ADGB: variants seen among roughly 807,000 people sequenced by gnomAD.
The protein encoded by ADGB is androglobin.
In ADGB, 172 loss-of-function variants were observed where a neutral mutation model predicts 210.5. The observed-to-expected ratio is 0.82, with a 90% CI of 0.72 to 0.93. ADGB has a LOEUF of 0.93. ADGB is among the 40% of genes least tolerant of loss of function. The probability of loss-of-function intolerance (pLI) is 0.00; values close to 1 mark genes in which losing one functional copy is unlikely to be tolerated. For missense variants in ADGB, 2,025 were observed against 1,964.8 expected, an observed-to-expected ratio of 1.03 and a Z score of -0.58; for synonymous variants, 658 against 662.7, an observed-to-expected ratio of 0.99 and a Z score of 0.11.
At position 146,664,291 on chromosome 6, in the gene ADGB, CTGTGGCCAATGCTTT is replaced by C; in HGVS notation, c.707_721del (p.Trp236_Leu240del). Reference sequence around the variant, plus strand: ...TCCAGCTACAACTTATGAATTTGAACTGTGGCCAATGCTTTTGTCTAAAGCTATTATCAAGCTGGC... The same window carrying C: ...TCCAGCTACAACTTATGAATTTGAACTGTCTAAAGCTATTATCAAGCTGGC... On this transcript the variant is annotated inframe_deletion, in exon 6 of 36. Coordinates refer to ENST00000397944, the MANE Select transcript of ADGB (RefSeq NM_024694.4). 6.5e-7 allele frequency: 1 copy of C among 1,549,922 alleles called. No homozygotes were observed. The highest frequency in any genetic ancestry group is 1.2e-5 in the South Asian group (1 of 83,970).
At chr6:146,784,514 T>C in intron 30 of ADGB, 104 bp from the exon 31 acceptor site, 1 of 899,932 alleles carries the variant, frequency 1.1e-6, no homozygotes, top group East Asian at 2.9e-5. Flanking sequence ...TTTTCATTTA[T>C]CTCTAGTAAA....
chr6:146,765,622 T>C (rs1777561802), intron 28 of ADGB, among the ~76,000 whole-genome samples: 1 of 150,960 alleles, frequency 6.6e-6, no homozygotes, highest in African/African-American at 2.4e-5. Context: ...TACTAAATAA[T>C]TCTTTAGTTT....
chr6:146,690,700 C>A (rs544544119), intron 10 of ADGB, among the ~76,000 whole-genome samples: 1 of 152,228 alleles, frequency 6.6e-6, no homozygotes, highest in East Asian at 1.9e-4. Context: ...CCACTGAACA[C>A]ACTCAAGAAA....
chr6:146,644,978 A>G (rs1775586138), intron 3 of ADGB, 113 bp downstream of exon 3: 1 of 535,960 alleles, frequency 1.9e-6, no homozygotes, highest in Non-Finnish European at 3.1e-6. Flanking sequence ...TGTGGTATTC[A>G]GTAAAAAAGT....
chr6:146,676,692 G>A (rs1776089912), intron 9 of ADGB, among the ~76,000 whole-genome samples: 1 of 152,126 alleles, frequency 6.6e-6, no homozygotes, highest in Non-Finnish European at 1.5e-5. Context: ...GCTTCTGCTG[G>A]TCGCTTTCAG....
intron 35 of ADGB, chr6:146,807,439 T>A: frequency 6.4e-7 from 1 of 1,551,624 alleles, no homozygotes; most frequent in Non-Finnish European, 8.7e-7. Context: ...ATTTTCGACA[T>A]CCGGGAAGAG....
intron 4 of ADGB, among the ~76,000 whole-genome samples, chr6:146,656,412 G>T (rs569116640): frequency 1.1e-4 from 17 of 152,236 alleles, no homozygotes; most frequent in African/African-American, 4.1e-4. Flanking sequence ...AGAGTAGCTT[G>T]CTCATTTGTC....
chr6:146,747,766 C>CAT (rs151335769), intron 26 of ADGB, among the ~76,000 whole-genome samples: 29,992 of 143,050 alleles, frequency 0.21, 3,400 homozygotes, highest in Middle Eastern at 0.29. Flanking sequence ...TGTGTATATA[C>CAT]ATATATATAT....
intron 28 of ADGB, among the ~76,000 whole-genome samples, chr6:146,765,477 G>T (rs1328838327): frequency 6.6e-6 from 1 of 151,528 alleles, no homozygotes; most frequent in Non-Finnish European, 1.5e-5. Flanking sequence ...ACAATAAATG[G>T]AAGCCTCAAT....
chr6:146,760,244 A>G (rs1777465459), intron 27 of ADGB, among the ~76,000 whole-genome samples: 1 of 151,868 alleles, frequency 6.6e-6, no homozygotes, highest in South Asian at 2.1e-4. Context: ...AAGATACTTC[A>G]GGCCATTTTC....
At chr6:146,752,443 A>G (rs1305348846) in intron 26 of ADGB, 87 bp from the exon 27 acceptor site, 9 of 1,212,366 alleles carry the variant, frequency 7.4e-6, no homozygotes, top group South Asian at 5.0e-5. Context: ...AGATTTGGGC[A>G]GGGACATATA....
At chr6:146,786,547 G>C (rs546056052) in intron 32 of ADGB, among the ~76,000 whole-genome samples, 4 of 152,150 alleles carry the variant, frequency 2.6e-5, no homozygotes, top group African/African-American at 9.7e-5. Flanking sequence ...GATAGGCAAA[G>C]CATTTTACAT....
chr6:146,801,121 T>A (rs1359776028), intron 33 of ADGB, 62 bp from the exon 34 acceptor site: 2 of 832,418 alleles, frequency 2.4e-6, no homozygotes, highest in Admixed American at 3.7e-5. Flanking sequence ...TATAGTCATT[T>A]GGTTAGTCAT....
At chr6:146,697,569 A>G (rs1023327713) in intron 12 of ADGB, among the ~76,000 whole-genome samples, 1 of 152,192 alleles carries the variant, frequency 6.6e-6, no homozygotes, top group Admixed American at 6.6e-5. Context: ...AGAATAAGCA[A>G]AGTTGAAAAT....
In ADGB at chr6:146,604,924, A is replaced by G. The variant is rs368345280; in HGVS notation, c.74+5810A>G. Reference sequence around the variant, plus strand: ...TTAGAGGAGAGGAAGAACACTTCCAACTGGGGCTGGTTTTTCATTGCTTCT... The same window carrying G: ...TTAGAGGAGAGGAAGAACACTTCCAGCTGGGGCTGGTTTTTCATTGCTTCT... On this transcript the variant is annotated intron_variant, in intron 1 of 35. Coordinates refer to ENST00000397944, the MANE Select transcript of ADGB (RefSeq NM_024694.4). Among the ~76,000 whole-genome samples the G allele has an allele frequency of 5.9e-5, 9 of 152,268 alleles. No individual in the cohort carries two copies. The East Asian group carries it at 1.5e-3, about 26-fold the overall frequency.
intron 13 of ADGB, among the ~76,000 whole-genome samples, chr6:146,706,946 A>G (rs1029954917): frequency 7.6e-6 from 1 of 132,010 alleles, no homozygotes; most frequent in Non-Finnish European, 1.6e-5. Context: ...CTTTTTTTCT[A>G]GTTCCCTGAG....
At chr6:146,788,650 C>A in intron 33 of ADGB, 40 bp downstream of exon 33, 1 of 1,513,722 alleles carries the variant, frequency 6.6e-7, no homozygotes, top group South Asian at 1.2e-5. Flanking sequence ...CATGTATTTT[C>A]AAATAAAAAT....
At position 146,640,538 on chromosome 6, in the gene ADGB, C is replaced by T. The variant is rs1276220186; in HGVS notation, c.238-4235C>T. ...CAAGATACTTGCAAATTGAATCCAGCAGCACATCAAAAAGCTAATCCAACA... is the reference window on the plus strand; with the variant it reads ...CAAGATACTTGCAAATTGAATCCAGTAGCACATCAAAAAGCTAATCCAACA... On this transcript the variant is annotated intron_variant, in intron 2 of 35. Coordinates refer to ENST00000397944, the MANE Select transcript of ADGB (RefSeq NM_024694.4). Among the ~76,000 whole-genome samples the T allele has an allele frequency of 2.0e-5, 3 of 152,026 alleles. No homozygotes were observed. The East Asian group carries it at 5.8e-4, about 29-fold the overall frequency.
intron 20 of ADGB, among the ~76,000 whole-genome samples, chr6:146,731,060 C>A (rs541384016): frequency 5.3e-5 from 8 of 152,242 alleles, no homozygotes; most frequent in South Asian, 2.1e-4. Flanking sequence ...TGTGGGGGAG[C>A]AACCTCTTTC....
Sources: allele counts gnomAD v4.1 joint callset (sites outside exome capture counted in the v4.1 genomes callset), GRCh38; gene constraint gnomAD v4.1.1; transcripts MANE v1.5; gene names NCBI Gene and HGNC (gene_info 2026-07-23, HGNC 2026-07-21).